The following JUP variants were observed in gnomAD, a reference collection of about 807,000 sequenced individuals.
JUP encodes the protein junction plakoglobin.
A neutral mutation model predicts 71.1 loss-of-function variants in JUP; 28 were observed. That is an observed-to-expected ratio of 0.39 (90% confidence interval 0.29 to 0.54). JUP has a LOEUF of 0.54. Ranked by LOEUF, JUP falls within the 20% of genes least tolerant of loss-of-function variation. JUP has a pLI of 0.62. For missense variants in JUP, 869 were observed against 1,030.1 expected, an observed-to-expected ratio of 0.84 and a Z score of 2.14; for synonymous variants, 401 against 438.9, an observed-to-expected ratio of 0.91 and a Z score of 1.08.
chr17:41,785,810 A>T (rs1273334502), intron 1 of JUP: 1 of 138,380 alleles, frequency 7.2e-6, no homozygotes, highest in Admixed American at 7.8e-5. Flanking sequence ...CCGTGCACAG[A>T]CCCCACCCCC....
chr17:41,768,312 T>G (rs1380020068), intron 4 of JUP, among the ~76,000 whole-genome samples: 1 of 151,932 alleles, frequency 6.6e-6, no homozygotes, highest in Non-Finnish European at 1.5e-5. Context: ...GGCAGGAGAA[T>G]CTCTTGAACC....
intron 8 of JUP, among the ~76,000 whole-genome samples, chr17:41,760,198 T>C (rs781919484): frequency 2.6e-5 from 4 of 151,748 alleles, no homozygotes; most frequent in Non-Finnish European, 5.9e-5. Flanking sequence ...AATAATTCAA[T>C]GTGTAGAATC....
At chr17:41,775,097 C>T (rs1190980952) in intron 1 of JUP, among the ~76,000 whole-genome samples, 14 of 150,854 alleles carry the variant, frequency 9.3e-5, no homozygotes, top group African/African-American at 2.9e-4. Context: ...CAGAGCAAGA[C>T]CCTGTCTCAA....
intron 1 of JUP, among the ~76,000 whole-genome samples, chr17:41,783,919 A>C (rs963955814): frequency 1.3e-4 from 18 of 143,344 alleles, no homozygotes; most frequent in Non-Finnish European, 2.3e-4. Context: ...AAAAAAAAAG[A>C]AAGTGCTTGG....
chr17:41,758,553 G>A lies in JUP; in HGVS notation c.1654-35C>T, dbSNP rs374070890. 4.6e-5 allele frequency: 73 copies of A among 1,598,814 alleles called. No individual in the cohort carries two copies. The Middle Eastern group carries it at 6.6e-4, about 15-fold the overall frequency. On this transcript the variant is annotated intron_variant, in intron 9 of 13. Transcript: ENST00000393931. Reference sequence around the variant, plus strand: ...AGGAGGCAGGGGGCATGGGACAGGTGCCTTGGACATGGCCACAACTCCTCC... The same window carrying A: ...AGGAGGCAGGGGGCATGGGACAGGTACCTTGGACATGGCCACAACTCCTCC...
intron 1 of JUP, among the ~76,000 whole-genome samples, chr17:41,773,699 C>T (rs1192556848): frequency 5.4e-5 from 8 of 148,504 alleles, no homozygotes; most frequent in East Asian, 2.1e-4. Flanking sequence ...GGGCGGGGGG[C>T]GGGGTGCTCG....
intron 4 of JUP, among the ~76,000 whole-genome samples, chr17:41,768,714 GC>G (rs1916095246): frequency 6.6e-6 from 1 of 152,196 alleles, no homozygotes; most frequent in Non-Finnish European, 1.5e-5. Context: ...TCAATCCCCT[GC>G]CATTAAGCGA....
chr17:41,775,837 G>A (rs905677747), intron 1 of JUP: 6 of 296,226 alleles, frequency 2.0e-5, no homozygotes, highest in Non-Finnish European at 3.0e-5. Flanking sequence ...AATAAGGCTA[G>A]ACTGGGTGCA....
intron 8 of JUP, among the ~76,000 whole-genome samples, chr17:41,759,659 G>A (rs1914480561): frequency 6.6e-6 from 1 of 152,106 alleles, no homozygotes; most frequent in African/African-American, 2.4e-5. Context: ...CAGGGTCTTT[G>A]ACTCAGAGGA....
intron 13 of JUP, 111 bp from the exon 14 acceptor site, chr17:41,756,006 G>GA: frequency 1.5e-6 from 2 of 1,292,334 alleles, no homozygotes; most frequent in Non-Finnish European, 2.1e-6. Flanking sequence ...TGGTGGGCCT[G>GA]ACCCCTCCCC....
chr17:41,769,635 C>T lies in JUP; in HGVS notation c.251G>A (p.Arg84Gln), dbSNP rs782061304. 37 of 1,606,934 alleles carry T rather than the reference C, an allele frequency of 2.3e-5. No homozygotes were observed. Among genetic ancestry groups the T allele is most frequent in the South Asian group, 1.2e-4 (11 of 89,348 alleles). Reference protein sequence around the residue: ...YQMSTTARAKRVREAMCPGVS... With the variant: ...YQMSTTARAKQVREAMCPGVS... ...ACCAGGGCACATGGCCTCCCGCACCCGTTTGGCCCTGGCTGTTGTGGACAT... is the reference window on the plus strand; with the variant it reads ...ACCAGGGCACATGGCCTCCCGCACCTGTTTGGCCCTGGCTGTTGTGGACAT... Residue 84 changes from arginine (R) to glutamine (Q), a missense_variant, in exon 3 of 14, where the codon CGG becomes CAG. Transcript: ENST00000393931.
Position 41,757,513 on chromosome 17 carries a change from A to G in JUP, c.1948T>C (p.Phe650Leu), listed in dbSNP as rs1208908708. Residue 650 changes from phenylalanine to leucine, a missense_variant, in exon 12 of 14, where the codon TTC (phenylalanine) becomes CTC (leucine). Physicochemically the swap from Phe to Leu is conservative, Grantham distance 22. Transcript: ENST00000393931. ...GGGTTCTTGTCCTCGGAGATGCGGA[A>G]CAGGACGGCAGCAGCGTAGGTGGCT... ...GTATYAAAVL[F>L]RISEDKNPDY... 3.1e-6 allele frequency: 5 copies of G among 1,614,072 alleles called. No individual in the cohort carries two copies. The highest frequency in any genetic ancestry group is 4.2e-6 in the Non-Finnish European group (5 of 1,180,048).
chr17:41,769,753 C>T (rs1348038572), intron 2 of JUP, 76 bp from the exon 3 acceptor site: 2 of 1,526,956 alleles, frequency 1.3e-6, no homozygotes, highest in South Asian at 1.2e-5. Flanking sequence ...AGGCCACAGA[C>T]AGCCCCACCT....
rs376699725 is a variant in JUP, at chr17:41,757,638, G to A, written c.1920C>T (p.Gly640=). ...TCCTGCCCTCCCCCAGCTCACCAGTGCCCTCGTTGCGGGAGTGCAGCAACT... is the reference window on the plus strand; with the variant it reads ...TCCTGCCCTCCCCCAGCTCACCAGTACCCTCGTTGCGGGAGTGCAGCAACT... ...LMELLHSRNE[G]TATYAAAVLF... is the part of the protein sequence containing the mutation. The change falls in exon 11 of 14, where the codon GGC becomes GGT. Residue 640 remains glycine (G), a synonymous_variant. Coordinates refer to ENST00000393931, the MANE Select transcript of JUP (RefSeq NM_002230.4). The A allele has an allele frequency of 2.9e-5, 46 of 1,613,694 alleles. No individual in the cohort carries two copies. Among genetic ancestry groups the A allele is most frequent in the Non-Finnish European group, 3.7e-5 (44 of 1,179,882 alleles).
rs794729054 is a variant in JUP at position 41,767,439 on chromosome 17, C to A, written c.849G>T (p.Lys283Asn). Reference protein sequence around the residue: ...MVPLLNKNNPKFLAITTDCLQ... With the variant: ...MVPLLNKNNPNFLAITTDCLQ... ...GGCAGTCGGTGGTGATGGCCAGGAA[C>A]TTGGGGTTGTTCTTGTTGAGCAGGG... Residue 283 changes from lysine (K) to asparagine (N), a missense_variant, in exon 5 of 14, where the codon AAG (lysine) becomes AAT (asparagine). Transcript: ENST00000393931. The A allele has an allele frequency of 7.4e-6, 12 of 1,614,010 alleles. No homozygotes were observed. Among genetic ancestry groups the A allele is most frequent in the African/African-American group, 1.3e-5 (1 of 74,884 alleles).
chr17:41,760,728 T>C (rs1174258837), intron 8 of JUP, among the ~76,000 whole-genome samples: 1 of 152,094 alleles, frequency 6.6e-6, no homozygotes, highest in East Asian at 1.9e-4. Context: ...GGCCAGCTAA[T>C]TTTTGTATTT....
chr17:41,775,983 C>A (rs1471097069), intron 1 of JUP: 12 of 985,320 alleles, frequency 1.2e-5, no homozygotes, highest in Non-Finnish European at 1.3e-5. Context: ...AGAGCTACAC[C>A]AGGCTCCTTC....
chr17:41,785,570 G>C (rs551296091), intron 1 of JUP, among the ~76,000 whole-genome samples: 3 of 152,332 alleles, frequency 2.0e-5, no homozygotes, highest in Admixed American at 1.3e-4. Flanking sequence ...GGGCCGGCTG[G>C]GGGAAGGGGT....
intron 1 of JUP, among the ~76,000 whole-genome samples, chr17:41,783,505 T>C (rs1273896019): frequency 6.6e-6 from 1 of 151,550 alleles, no homozygotes; most frequent in Non-Finnish European, 1.5e-5. Flanking sequence ...CCCAGGCTGG[T>C]CTGGAACTCC....
Sources: allele counts gnomAD v4.1 joint callset (sites outside exome capture counted in the v4.1 genomes callset), GRCh38; gene constraint gnomAD v4.1.1; transcripts MANE v1.5; gene names NCBI Gene and HGNC (gene_info 2026-07-23, HGNC 2026-07-21).